Variants in SLC8A1 observed in about 807,000 individuals in gnomAD.
SLC8A1 encodes solute carrier family 8 member A1, also known as sodium/calcium exchanger 1.
In SLC8A1, 18 loss-of-function variants were observed where a neutral mutation model predicts 68.3. The observed-to-expected ratio is 0.26, with a 90% CI of 0.18 to 0.39. The LOEUF (loss-of-function observed/expected upper bound fraction) is 0.39, where lower values mean the gene tolerates loss of function less well. Among genes scored for constraint, SLC8A1 ranks in the 10% least tolerant of loss-of-function variants. The pLI, the probability that SLC8A1 is intolerant of heterozygous loss-of-function variation, is 1.00. For synonymous variants in SLC8A1, 475 were observed against 415.5 expected (o/e 1.14, Z -1.74); for missense variants, 985 against 1,156.7 (o/e 0.85, Z 2.15).
intron 2 of SLC8A1, among the ~76,000 whole-genome samples, chr2:40,363,105 G>C (rs1675074329): frequency 6.6e-6 from 1 of 151,990 alleles, no homozygotes; most frequent in African/African-American, 2.4e-5. Context: ...TATCAAATTT[G>C]TACATCTGAT....
chr2:40,366,780 T>TTC (rs1676338429), intron 2 of SLC8A1, among the ~76,000 whole-genome samples: 1 of 151,816 alleles, frequency 6.6e-6, no homozygotes, highest in South Asian at 2.1e-4. Flanking sequence ...CTTTTTTTTT[T>TTC]CACAAATGCC....
intron 1 of SLC8A1, among the ~76,000 whole-genome samples, chr2:40,499,737 C>G (rs565015548): frequency 6.6e-6 from 1 of 152,188 alleles, no homozygotes; most frequent in Admixed American, 6.6e-5. Context: ...TTGCCAAACT[C>G]ATCTTCTAGT....
chr2:40,403,063 T>C (rs1689233660), intron 2 of SLC8A1, among the ~76,000 whole-genome samples: 1 of 152,224 alleles, frequency 6.6e-6, no homozygotes, highest in Non-Finnish European at 1.5e-5. Context: ...AGATGTAGGC[T>C]ATATGCACAA....
chr2:40,182,636 A>G (rs775831654), intron 2 of SLC8A1, among the ~76,000 whole-genome samples: 2 of 152,196 alleles, frequency 1.3e-5, no homozygotes, highest in Non-Finnish European at 2.9e-5. Context: ...CTCTTATCTT[A>G]GGTGTCTCAA....
intron 1 of SLC8A1, among the ~76,000 whole-genome samples, chr2:40,444,054 A>T (rs1282491517): frequency 6.6e-6 from 1 of 152,170 alleles, no homozygotes; most frequent in Admixed American, 6.5e-5. Flanking sequence ...AACGTCATCT[A>T]GGCCAGGTAC....
intron 6 of SLC8A1, among the ~76,000 whole-genome samples, chr2:40,148,703 A>C (rs1265075886): frequency 6.6e-6 from 1 of 152,192 alleles, no homozygotes; most frequent in Non-Finnish European, 1.5e-5. Flanking sequence ...CTCCTTCTGG[A>C]AAATGGGCAT....
chr2:40,118,181 G>C (rs937594195), intron 7 of SLC8A1: 2 of 152,216 alleles, frequency 1.3e-5, no homozygotes, highest in Non-Finnish European at 2.9e-5. Flanking sequence ...CTGTGACGTT[G>C]TGATATTATG....
chr2:40,372,137 A>G (rs1025635091), intron 2 of SLC8A1, among the ~76,000 whole-genome samples: 3 of 152,150 alleles, frequency 2.0e-5, no homozygotes, highest in African/African-American at 7.2e-5. Context: ...AAATATTTAT[A>G]ATAATCACAT....
At chr2:40,219,913 A>T (rs1350236326) in intron 2 of SLC8A1, among the ~76,000 whole-genome samples, 1 of 23,768 alleles carries the variant, frequency 4.2e-5, no homozygotes, top group Non-Finnish European at 1.4e-4. Context: ...TAGAAAATCA[A>T]TACATCTTTC....
chr2:40,344,373 A>G (rs943764743), intron 2 of SLC8A1, among the ~76,000 whole-genome samples: 2 of 152,074 alleles, frequency 1.3e-5, no homozygotes, highest in African/African-American at 4.8e-5. Flanking sequence ...CTTTGGAGGG[A>G]GAGATTTAGC....
At chr2:40,335,775 T>C (rs952991946) in intron 2 of SLC8A1, among the ~76,000 whole-genome samples, 14 of 152,364 alleles carry the variant, frequency 9.2e-5, no homozygotes, top group Admixed American at 9.1e-4. Flanking sequence ...TGAATGTGTT[T>C]TGAGGCTCTG....
At chr2:40,472,716 G>T (rs897667870) in intron 1 of SLC8A1, among the ~76,000 whole-genome samples, 3 of 152,046 alleles carry the variant, frequency 2.0e-5, no homozygotes, top group Non-Finnish European at 4.4e-5. Context: ...TCTAGGTGCT[G>T]CCAATATATT....
At chr2:40,100,380 GAGAGAA>G (rs1294441959) in exon 8 of SLC8A1, 9 of 152,090 alleles carry the variant, frequency 5.9e-5, no homozygotes, top group Non-Finnish European at 1.2e-4. Context: ...GTTAAAAAAA[GAGAGAA>G]AGAGAAAACA....
chr2:40,314,659 G>C (rs1004065129), intron 2 of SLC8A1, among the ~76,000 whole-genome samples: 1 of 151,896 alleles, frequency 6.6e-6, no homozygotes, highest in Non-Finnish European at 1.5e-5. Flanking sequence ...TATTTATTTA[G>C]GTTTTCTTTA....
At chr2:40,236,730 C>G (rs575443598) in intron 2 of SLC8A1, among the ~76,000 whole-genome samples, 295 of 152,160 alleles carry the variant, frequency 1.9e-3, no homozygotes, top group Non-Finnish European at 3.2e-3. Context: ...ATTTTGCAGC[C>G]GCTGGTACTG....
intron 2 of SLC8A1, among the ~76,000 whole-genome samples, chr2:40,234,560 C>T (rs1198301228): frequency 5.9e-5 from 9 of 152,174 alleles, no homozygotes; most frequent in Non-Finnish European, 1.0e-4. Flanking sequence ...GACAATTTGA[C>T]TTCCTCTTTT....
chr2:40,447,117 A>T (rs1033477904), intron 1 of SLC8A1, among the ~76,000 whole-genome samples: 3 of 152,210 alleles, frequency 2.0e-5, no homozygotes, highest in African/African-American at 7.2e-5. Context: ...TAATATTTAC[A>T]TCTAGTTTCC....
intron 2 of SLC8A1, among the ~76,000 whole-genome samples, chr2:40,234,428 G>A (rs529106238): frequency 2.6e-5 from 4 of 152,210 alleles, no homozygotes; most frequent in South Asian, 4.2e-4. Flanking sequence ...AAGAATGCTT[G>A]TGATTTTGGT....
At chr2:40,117,326 C>T (rs549697700) in intron 7 of SLC8A1, among the ~76,000 whole-genome samples, 1 of 142,108 alleles carries the variant, frequency 7.0e-6, no homozygotes, top group East Asian at 2.1e-4. Context: ...GGGCGGATCA[C>T]TTGAGGTTAG....
Sources: allele counts gnomAD v4.1 joint callset (sites outside exome capture counted in the v4.1 genomes callset), GRCh38; gene constraint gnomAD v4.1.1; transcripts MANE v1.5; gene names NCBI Gene and HGNC (gene_info 2026-07-23, HGNC 2026-07-21).